Variants in OSBPL1A observed in about 807,000 individuals in gnomAD.
The protein encoded by OSBPL1A is oxysterol binding protein like 1A.
In OSBPL1A, 80 loss-of-function variants were observed where a neutral mutation model predicts 137.1. The observed-to-expected ratio is 0.58, with a 90% CI of 0.49 to 0.70. OSBPL1A has a LOEUF of 0.70. Among genes scored for constraint, OSBPL1A ranks in the 30% least tolerant of loss-of-function variants. The pLI is 0.00. For synonymous variants in OSBPL1A, 365 were observed against 389.7 expected (o/e 0.94, Z 0.75); for missense variants, 970 against 1,129.4 (o/e 0.86, Z 2.02).
At chr18:24,390,756 A>T (rs2144283255) in intron 1 of OSBPL1A, among the ~76,000 whole-genome samples, 1 of 150,526 alleles carries the variant, frequency 6.6e-6, no homozygotes, top group Non-Finnish European at 1.5e-5. Context: ...AATCCCAAAT[A>T]TTGTGTTTCT....
chr18:24,233,088 G>A (rs979515224), intron 16 of OSBPL1A, among the ~76,000 whole-genome samples: 1 of 152,112 alleles, frequency 6.6e-6, no homozygotes, highest in South Asian at 2.1e-4. Context: ...AAAGTAATGC[G>A]TTCTGAACCT....
At chr18:24,290,927 G>T (rs564257231) in intron 14 of OSBPL1A, among the ~76,000 whole-genome samples, 2 of 152,206 alleles carry the variant, frequency 1.3e-5, no homozygotes, top group East Asian at 3.9e-4. Flanking sequence ...AGAAACTGAA[G>T]CCCCTAGCTT....
chr18:24,249,695 A>G (rs552488471), intron 15 of OSBPL1A, among the ~76,000 whole-genome samples: 1 of 152,200 alleles, frequency 6.6e-6, no homozygotes, highest in African/African-American at 2.4e-5. Flanking sequence ...GCACCCACAC[A>G]CACAGGAGCA....
intron 14 of OSBPL1A, among the ~76,000 whole-genome samples, chr18:24,281,610 C>T (rs2089959795): frequency 1.3e-5 from 2 of 151,946 alleles, no homozygotes; most frequent in South Asian, 4.1e-4. Flanking sequence ...AGGCTGGTCT[C>T]AAACTCCTGA....
At chr18:24,315,317 G>C (rs1053014888) in intron 11 of OSBPL1A, among the ~76,000 whole-genome samples, 4 of 152,064 alleles carry the variant, frequency 2.6e-5, no homozygotes, top group African/African-American at 7.2e-5. Flanking sequence ...CCAAGGGAAA[G>C]AGACAGAGAG....
chr18:24,376,162 CTT>C (rs1022711376), intron 2 of OSBPL1A, among the ~76,000 whole-genome samples: 1 of 152,196 alleles, frequency 6.6e-6, no homozygotes, highest in African/African-American at 2.4e-5. Context: ...CTGTTATTCT[CTT>C]GTCTGGCCCC....
chr18:24,241,003 C>A (rs568988584), intron 15 of OSBPL1A, among the ~76,000 whole-genome samples: 1 of 152,140 alleles, frequency 6.6e-6, no homozygotes, highest in Non-Finnish European at 1.5e-5. Flanking sequence ...TTTGACAAAC[C>A]TGACAAAAAC....
chr18:24,291,529 G>A (rs1439469796), intron 14 of OSBPL1A, among the ~76,000 whole-genome samples: 1 of 152,164 alleles, frequency 6.6e-6, no homozygotes, highest in Non-Finnish European at 1.5e-5. Context: ...CTCAACATAT[G>A]TCTATTAAGA....
chr18:24,233,166 A>G (rs933982430), intron 16 of OSBPL1A, among the ~76,000 whole-genome samples: 4 of 152,210 alleles, frequency 2.6e-5, no homozygotes, highest in Admixed American at 2.6e-4. Context: ...AAAAACCACC[A>G]TGAAATTAGT....
intron 14 of OSBPL1A, among the ~76,000 whole-genome samples, chr18:24,285,321 T>C (rs2090049342): frequency 1.3e-5 from 2 of 152,232 alleles, no homozygotes; most frequent in South Asian, 4.1e-4. Context: ...CATAATTCTT[T>C]TAATATAAAA....
intron 15 of OSBPL1A, among the ~76,000 whole-genome samples, chr18:24,261,223 A>G (rs1567983777): frequency 6.6e-6 from 1 of 152,188 alleles, no homozygotes; most frequent in African/African-American, 2.4e-5. Flanking sequence ...TCTAGTGATA[A>G]AAAGCTGATC....
intron 15 of OSBPL1A, among the ~76,000 whole-genome samples, chr18:24,267,708 C>T (rs2089613488): frequency 6.6e-6 from 1 of 152,038 alleles, no homozygotes. Flanking sequence ...CACCAAAGAA[C>T]ATCTGATAAA....
At chr18:24,287,725 T>C (rs2090092037) in intron 14 of OSBPL1A, among the ~76,000 whole-genome samples, 1 of 150,860 alleles carries the variant, frequency 6.6e-6, no homozygotes, top group Admixed American at 6.6e-5. Context: ...TGAGCCGAGA[T>C]CGTGCCACTG....
rs185939799 is a variant in OSBPL1A at position 24,203,514 on chromosome 18, G to T, written c.1602-7314C>A. 7.9e-5 allele frequency among the ~76,000 whole-genome samples: 12 copies of T among 152,234 alleles called. No individual in the cohort carries two copies. In the East Asian group the frequency reaches 2.3e-3, roughly 29 times the overall value. ...CTCCCCTTCACATCGACAGACACAG[G>T]TATATCTTTCTTTGTAATACCTTTA... On this transcript the variant is annotated intron_variant, in intron 17 of 27. Transcript: ENST00000319481.
At chr18:24,339,817 A>AG in intron 5 of OSBPL1A, among the ~76,000 whole-genome samples, 1 of 152,348 alleles carries the variant, frequency 6.6e-6, no homozygotes, top group Admixed American at 6.5e-5. Flanking sequence ...TGATAAGCAG[A>AG]GGGTTCATTT....
At chr18:24,220,676 T>C (rs923219110) in intron 17 of OSBPL1A, among the ~76,000 whole-genome samples, 1 of 152,154 alleles carries the variant, frequency 6.6e-6, no homozygotes, top group Non-Finnish European at 1.5e-5. Context: ...TATTTCCTGA[T>C]AGACAGAGTA....
chr18:24,345,120 G>A (rs1342761343), intron 4 of OSBPL1A, among the ~76,000 whole-genome samples: 1 of 151,212 alleles, frequency 6.6e-6, no homozygotes, highest in African/African-American at 2.4e-5. Context: ...ACCCAGCTGA[G>A]AAGAATGTTT....
chr18:24,261,099 G>A (rs138533463), intron 15 of OSBPL1A, among the ~76,000 whole-genome samples: 2 of 152,180 alleles, frequency 1.3e-5, no homozygotes, highest in Non-Finnish European at 2.9e-5. Context: ...TACATTCAGC[G>A]ACATGGATGA....
intron 4 of OSBPL1A, among the ~76,000 whole-genome samples, chr18:24,366,095 T>G (rs1032768197): frequency 2.6e-5 from 4 of 152,094 alleles, no homozygotes; most frequent in African/African-American, 7.2e-5. Flanking sequence ...TTCCCATGAC[T>G]CCCTGTTTGG....
Sources: gnomAD v4.1 joint callset for allele counts (sites outside exome capture counted in the v4.1 genomes callset) on GRCh38, gnomAD v4.1.1 for gene constraint, MANE v1.5 for transcripts, NCBI Gene and HGNC (gene_info 2026-07-23, HGNC 2026-07-21) for gene names.